Variants in TYSND1 observed in about 807,000 individuals in gnomAD.
The protein encoded by TYSND1 is peroxisomal leader peptide-processing protease.
Under a neutral mutation model 37.2 loss-of-function variants are expected in TYSND1, and 30 were observed. That is an observed-to-expected ratio of 0.81 (90% confidence interval 0.60 to 1.09). The LOEUF (loss-of-function observed/expected upper bound fraction) is 1.09. Among genes scored for constraint, TYSND1 ranks in the 50% least tolerant of loss-of-function variants. The probability of loss-of-function intolerance (pLI) is 0.00; values close to 1 mark genes in which losing one functional copy is unlikely to be tolerated. For missense variants in TYSND1, 806 were observed against 817.4 expected (o/e 0.99, Z 0.17); for synonymous variants, 364 against 383.8 (o/e 0.95, Z 0.60).
intron 2 of TYSND1, among the ~76,000 whole-genome samples, chr10:70,143,373 A>G (rs2072817781): frequency 6.6e-6 from 1 of 152,194 alleles, no homozygotes; most frequent in Non-Finnish European, 1.5e-5. Flanking sequence ...AGACGTGGAA[A>G]ATGAGGCAGA....
chr10:70,143,915 G>A lies in TYSND1; in HGVS notation c.1224C>T (p.Asp408=). ...VFATQETCPY[D]IAVVSLEEDL... ...CCTCCTCCAGGCTCACCACTGCTAT[G>A]TCATAGGGACATGTCTCCTGAGTGG... Residue 408 remains aspartate (D), a synonymous_variant, in exon 2 of 4, where the codon GAC becomes GAT. Transcript: ENST00000287078. 6.2e-7 allele frequency: 1 copy of A among 1,614,232 alleles called. No homozygotes were observed.
At position 70,145,614 on chromosome 10, in the gene TYSND1, GC is replaced by G; in HGVS notation, c.972del (p.Pro325ArgfsTer43). On this transcript the variant is annotated frameshift_variant, in exon 1 of 4. Transcript: ENST00000287078. LOFTEE classifies it high-confidence loss of function. Reference protein sequence around the residue: ...PHSTAALAALLPPEVGVPWGL... With the variant: ...PHSTAALAALXPPEVGVPWGL... ...CCCCACGGGACGCCCACCTCTGGCG[GC>G]AGAAGGGCGGCCAGGGCAGCGGTGC... 1 of 1,435,244 alleles carries G rather than the reference GC, an allele frequency of 7.0e-7. No homozygotes were observed. The highest frequency in any genetic ancestry group is 1.4e-5 in the South Asian group (1 of 70,932). The allele number at this position is 1,435,244 out of a possible 1,614,324, so 88.9% of individuals were successfully genotyped here.
At position 70,145,684 on chromosome 10, in the gene TYSND1, G is replaced by T; in HGVS notation, c.903C>A (p.Pro301=). 2 of 1,387,720 alleles carry T rather than the reference G, an allele frequency of 1.4e-6. No individual in the cohort carries two copies. The highest frequency in any genetic ancestry group is 3.7e-5 in the Admixed American group (1 of 27,372). 86.0% of individuals were successfully genotyped at this position (1,387,720 alleles called of 1,614,324 possible). The change falls in exon 1 of 4, where the codon CCC becomes CCA. Residue 301 remains proline (P), a synonymous_variant. Transcript: ENST00000287078. ...GCGCGTCGCGGGCGGCGCGGAAAAG[G>T]GGGGCGGCGGCGCAGAGCAGCGTGA... ...VGFTLLCAAA[P]LFRAARDALH... is the part of the protein sequence containing the mutation.
chr10:70,146,189 TCAG>T lies in TYSND1; in HGVS notation c.395_397del (p.Ala132del). On this transcript the variant is annotated inframe_deletion, in exon 1 of 4. Coordinates refer to ENST00000287078, the MANE Select transcript of TYSND1 (RefSeq NM_173555.4). The stretch of plus-strand genomic sequence containing the variant: ...CGGGCAGCTCAGCAGCAGCAGCAGC[TCAG>T]CAGGAAGCCGGGGCTGCAGGGGACG... 2 of 1,537,398 alleles carry T rather than the reference TCAG, an allele frequency of 1.3e-6. No individual in the cohort carries two copies. Among genetic ancestry groups the T allele is most frequent in the Non-Finnish European group, 1.7e-6 (2 of 1,146,252 alleles).
At position 70,146,513 on chromosome 10, in the gene TYSND1, C is replaced by G. The variant is rs753631832; in HGVS notation, c.74G>C (p.Gly25Ala). The G allele has an allele frequency of 1.9e-6, 3 of 1,589,814 alleles. No individual in the cohort carries two copies. The highest frequency in any genetic ancestry group is 2.7e-5 in the African/African-American group (2 of 74,128). ...AGCMVSASRA[G>A]QPEAGPWSCS... Reference sequence around the variant, plus strand: ...GCTCCACGGGCCCGCCTCGGGCTGTCCGGCCCGGGAGGCGCTCACCATGCA... The same window carrying G: ...GCTCCACGGGCCCGCCTCGGGCTGTGCGGCCCGGGAGGCGCTCACCATGCA... Residue 25 changes from glycine (G) to alanine (A), a missense_variant, in exon 1 of 4, where the codon GGA (glycine) becomes GCA (alanine). Transcript: ENST00000287078.
At position 70,140,009 on chromosome 10, in the gene TYSND1, C is replaced by T. The variant is rs148744638; in HGVS notation, c.1616G>A (p.Arg539His). The T allele has an allele frequency of 3.6e-5, 58 of 1,614,234 alleles. No individual in the cohort carries two copies. The highest frequency in any genetic ancestry group is 3.1e-4 in the African/African-American group (23 of 75,076). Reference protein sequence around the residue: ...YSQTQDLGGLRELDRAAEPVR... With the variant: ...YSQTQDLGGLHELDRAAEPVR... Reference sequence around the variant, plus strand: ...TGGCTCAGCAGCGCGGTCCAGCTCACGGAGGCCACCTAGGTCTTGGGTCTG... The same window carrying T: ...TGGCTCAGCAGCGCGGTCCAGCTCATGGAGGCCACCTAGGTCTTGGGTCTG... The change falls in exon 4 of 4, where the codon CGT becomes CAT. Residue 539 changes from arginine to histidine, a missense_variant. Arg to His is a conservative substitution (Grantham distance 29, BLOSUM62 0). Around this residue, in one of 3 missense-constraint regions of TYSND1, gnomAD observed 708 missense variants for 705.4 expected, o/e 1.00. Coordinates refer to ENST00000287078, the MANE Select transcript of TYSND1 (RefSeq NM_173555.4).
chr10:70,142,520 G>C, intron 3 of TYSND1, 148 bp downstream of exon 3: 2 of 710,704 alleles, frequency 2.8e-6, no homozygotes, highest in Non-Finnish European at 4.6e-6. Flanking sequence ...ACCATCAGGA[G>C]AACAGCCTGC....
At chr10:70,140,201 GGGA>G in intron 3 of TYSND1, 60 bp from the exon 4 acceptor site, 6 of 1,446,296 alleles carry the variant, frequency 4.1e-6, no homozygotes, top group Non-Finnish European at 5.7e-6. Context: ...GGCTGGAGAA[GGGA>G]GGAGGACCAT....
intron 1 of TYSND1, chr10:70,144,265 T>G: frequency 2.7e-6 from 1 of 370,808 alleles, no homozygotes; most frequent in Non-Finnish European, 4.6e-6. Context: ...TTATTTAGTC[T>G]TCACGACCCT....
At chr10:70,141,443 GA>G (rs1196523486) in intron 3 of TYSND1, among the ~76,000 whole-genome samples, 1 of 152,098 alleles carries the variant, frequency 6.6e-6, no homozygotes, top group Non-Finnish European at 1.5e-5. Flanking sequence ...TGATTTTAGA[GA>G]ATGACCCTCA....
chr10:70,141,271 T>C (rs1475070283), intron 3 of TYSND1, among the ~76,000 whole-genome samples: 1 of 149,850 alleles, frequency 6.7e-6, no homozygotes, highest in Non-Finnish European at 1.5e-5. Flanking sequence ...TAAACACTGT[T>C]TATTTTTTTG....
Position 70,144,897 on chromosome 10 carries a change from C to G in TYSND1, c.1166+524G>C, listed in dbSNP as rs368796693. The G allele has an allele frequency of 2.3e-4, 117 of 507,030 alleles. 1 individual carries two copies. Among genetic ancestry groups the G allele is most frequent in the African/African-American group, 2.2e-3 (107 of 48,090 alleles). 31.4% of individuals were successfully genotyped at this position (507,030 alleles called of 1,614,324 possible). Reference sequence around the variant, plus strand: ...CATGTACAGCTGCGTGGGCCACCCCCCTACCTTCTGATTACGTAGAAACTC... The same window carrying G: ...CATGTACAGCTGCGTGGGCCACCCCGCTACCTTCTGATTACGTAGAAACTC... On this transcript the variant is annotated intron_variant, in intron 1 of 3. Transcript: ENST00000287078.
In TYSND1 at chr10:70,145,635, C is replaced by A; in HGVS notation, c.952G>T (p.Ala318Ser). 3.6e-6 allele frequency: 5 copies of A among 1,408,204 alleles called. No homozygotes were observed. Among genetic ancestry groups the A allele is most frequent in the Non-Finnish European group, 4.6e-6 (5 of 1,089,368 alleles). 87.2% of individuals were successfully genotyped at this position (1,408,204 alleles called of 1,614,324 possible). ...GGCGGCAGAAGGGCGGCCAGGGCAG[C>A]GGTGCTGTGCGGCAGGCGGTGAAGC... The part of the protein sequence containing the change: ...DALHRLPHST[A>S]ALAALLPPEV... The change falls in exon 1 of 4, where the codon GCT becomes TCT. Residue 318 changes from alanine to serine, a missense_variant. By Grantham distance (99) the Ala-to-Ser change is moderately conservative (BLOSUM62 1). Around this residue, in one of 3 missense-constraint regions of TYSND1, gnomAD observed 708 missense variants for 705.4 expected, o/e 1.00. Transcript: ENST00000287078.
chr10:70,145,400 GC>G lies in TYSND1; in HGVS notation c.1166+20del. On this transcript the variant is annotated intron_variant, in intron 1 of 3. Transcript: ENST00000287078. ...CTGAGACCTGGAAAGGGATGAAGTG[GC>G]GTCAGCCCTGCGGGCTTACTTGGGG... is the stretch of plus-strand genomic sequence containing the variant. 1 of 1,393,704 alleles carries G rather than the reference GC, an allele frequency of 7.2e-7. No individual in the cohort carries two copies. The highest frequency in any genetic ancestry group is 9.3e-7 in the Non-Finnish European group (1 of 1,071,104). The allele number at this position is 1,393,704 out of a possible 1,614,324, so 86.3% of individuals were successfully genotyped here.
Position 70,140,020 on chromosome 10 carries a change from T to C in TYSND1, c.1605A>G (p.Leu535=), listed in dbSNP as rs769911833. The C allele has an allele frequency of 1.2e-6, 2 of 1,614,202 alleles. No individual in the cohort carries two copies. Among genetic ancestry groups the C allele is most frequent in the Non-Finnish European group, 1.7e-6 (2 of 1,180,030 alleles). ...ALQQYSQTQD[L]GGLRELDRAA... ...CGCGGTCCAGCTCACGGAGGCCACC[T>C]AGGTCTTGGGTCTGGCTGTACTGCT... Residue 535 remains leucine, a synonymous_variant, in exon 4 of 4, where the codon CTA becomes CTG. Coordinates refer to ENST00000287078, the MANE Select transcript of TYSND1 (RefSeq NM_173555.4).
chr10:70,144,510 C>A, intron 1 of TYSND1: 1 of 987,850 alleles, frequency 1.0e-6, no homozygotes, highest in Non-Finnish European at 1.2e-6. Context: ...TAGCACACGA[C>A]GTGACAGGCT....
In TYSND1 at chr10:70,139,194, TATAA is replaced by T. The variant is rs1279802154; in HGVS notation, c.*726_*729del. 2 of 152,370 alleles carry T rather than the reference TATAA, an allele frequency of 1.3e-5. No homozygotes were observed. The highest frequency in any genetic ancestry group is 2.4e-5 in the African/African-American group (1 of 41,360). 9.4% of individuals were successfully genotyped at this position (152,370 alleles called of 1,614,324 possible). On this transcript the variant is annotated 3_prime_UTR_variant, in exon 4 of 4. Transcript: ENST00000287078. ...CCTGAAAAAAAGAAACAATTTGATA[TATAA>T]ATACAGAGGTTTTTCAATAGATCAT...
rs772458609 is a variant in TYSND1 at position 70,146,330 on chromosome 10, T to C, written c.257A>G (p.Gln86Arg). 4 of 1,527,154 alleles carry C rather than the reference T, an allele frequency of 2.6e-6. No homozygotes were observed. Among genetic ancestry groups the C allele is most frequent in the African/African-American group, 2.8e-5 (2 of 71,830 alleles). 94.6% of individuals were successfully genotyped at this position (1,527,154 alleles called of 1,614,324 possible). A position where few individuals can be genotyped will look rare whatever the true frequency, so the allele number is the denominator to read the frequency against. ...SCRDDLRLHVQWAPTAAGPGG... is the reference protein window; with the variant it reads ...SCRDDLRLHVRWAPTAAGPGG... ...GGGACCCGCGGCCGTTGGGGCCCAC[T>C]GCACGTGCAGGCGCAGGTCGTCCCT... The change falls in exon 1 of 4, where the codon CAG (glutamine) becomes CGG (arginine). Residue 86 changes from glutamine (Q) to arginine (R), a missense_variant. By Grantham distance (43) the Gln-to-Arg change is conservative. This residue lies in a region of TYSND1 where 708 missense variants were observed against 705.4 expected (regional missense o/e 1.00). Coordinates refer to ENST00000287078, the MANE Select transcript of TYSND1 (RefSeq NM_173555.4).
chr10:70,140,564 A>C lies in TYSND1; in HGVS notation c.1484-423T>G, dbSNP rs577026331. Among the ~76,000 whole-genome samples the C allele has an allele frequency of 2.3e-3, 354 of 152,150 alleles. 15 individuals are homozygous for C. Among genetic ancestry groups the C allele is most frequent in the Non-Finnish European group, 6.6e-4 (45 of 68,008 alleles). On this transcript the variant is annotated intron_variant, in intron 3 of 3. Coordinates refer to ENST00000287078, the MANE Select transcript of TYSND1 (RefSeq NM_173555.4). ...GAATGAATGAATGAATCAGACCCAC[A>C]GACATATTTTGTTTGGCCTGCTCGG...
Sources: allele counts gnomAD v4.1 joint callset (sites outside exome capture counted in the v4.1 genomes callset), GRCh38; gene constraint gnomAD v4.1.1; regional missense constraint gnomAD v4.1.1; transcripts MANE v1.5; gene names NCBI Gene and HGNC (gene_info 2026-07-23, HGNC 2026-07-21).